NXNL2: variants seen among roughly 807,000 people sequenced by gnomAD.
NXNL2 encodes nucleoredoxin-like protein 2.
In NXNL2, 7 loss-of-function variants were observed where a neutral mutation model predicts 11.1. That is an observed-to-expected ratio of 0.63 (90% confidence interval 0.36 to 1.18). NXNL2 has a LOEUF of 1.18. Ranked by LOEUF, NXNL2 falls within the 50% of genes most tolerant of loss-of-function variation. The probability of loss-of-function intolerance (pLI) is 0.02; values close to 1 mark genes in which losing one functional copy is unlikely to be tolerated. For missense variants in NXNL2, 233 were observed against 217.7 expected, an observed-to-expected ratio of 1.07 and a Z score of -0.44; for synonymous variants, 109 against 101.8, an observed-to-expected ratio of 1.07 and a Z score of -0.42.
intron 1 of NXNL2, among the ~76,000 whole-genome samples, chr9:88,582,591 CCTTCCTTCCTTCCTTCCTTT>C (rs1291766319): frequency 4.6e-5 from 7 of 151,282 alleles, no homozygotes; most frequent in Non-Finnish European, 8.9e-5. Flanking sequence ...TTAAAACAAT[CCTTCCTTCCTTCCTTCCTTT>C]CTTCCTTCCT....
intron 1 of NXNL2, among the ~76,000 whole-genome samples, chr9:88,567,760 G>A (rs559850482): frequency 6.6e-6 from 1 of 152,232 alleles, no homozygotes; most frequent in Admixed American, 6.5e-5. Flanking sequence ...TACCACAAGG[G>A]CCTGGAGCTG....
intron 1 of NXNL2, among the ~76,000 whole-genome samples, chr9:88,565,808 A>T (rs1336563425): frequency 5.3e-5 from 8 of 152,174 alleles, no homozygotes; most frequent in South Asian, 2.1e-4. Context: ...AAGTGCTGAG[A>T]TTACAGGCAT....
chr9:88,535,670 T>A lies in NXNL2; in HGVS notation c.236T>A (p.Met79Lys), dbSNP rs1479532761. 6.2e-7 allele frequency: 1 copy of A among 1,606,622 alleles called. No homozygotes were observed. The highest frequency in any genetic ancestry group is 8.5e-7 in the Non-Finnish European group (1 of 1,178,668). The change falls in exon 1 of 2, where the codon ATG becomes AAG. Residue 79 changes from methionine (M) to lysine (K), a missense_variant. Met to Lys is a moderately conservative substitution (Grantham distance 95). Transcript: ENST00000375854. ...TCAGCCGACGGCAGCTCCCAGGAGA[T>A]GCTGGACTTCATGCGCGAGCTGCAT... is the stretch of plus-strand genomic sequence containing the variant. ...FVSADGSSQEMLDFMRELHGA... is the reference protein window; with the variant it reads ...FVSADGSSQEKLDFMRELHGA...
chr9:88,551,195 G>A (rs1378632530), intron 1 of NXNL2, among the ~76,000 whole-genome samples: 1 of 152,092 alleles, frequency 6.6e-6, no homozygotes, highest in African/African-American at 2.4e-5. Flanking sequence ...GAGCTGTTCA[G>A]TCTGGAAACA....
chr9:88,561,469 A>C (rs372075145), intron 1 of NXNL2, among the ~76,000 whole-genome samples: 29 of 152,186 alleles, frequency 1.9e-4, no homozygotes, highest in African/African-American at 7.0e-4. Context: ...CTATCTATCT[A>C]TCTATCTATC....
intron 1 of NXNL2, among the ~76,000 whole-genome samples, chr9:88,569,504 C>T (rs964132334): frequency 6.6e-5 from 10 of 152,218 alleles, no homozygotes; most frequent in South Asian, 2.1e-4. Context: ...TTCATCTCTT[C>T]GGGTTTTCTC....
downstream of NXNL2, among the ~76,000 whole-genome samples, chr9:88,578,581 G>A (rs1014765522): frequency 6.6e-6 from 1 of 152,234 alleles, no homozygotes; most frequent in African/African-American, 2.4e-5. Context: ...TTTTCCCTCC[G>A]GTTGGATTTC....
intron 1 of NXNL2, among the ~76,000 whole-genome samples, chr9:88,551,060 G>A (rs1829924531): frequency 1.3e-5 from 2 of 152,124 alleles, no homozygotes; most frequent in Non-Finnish European, 2.9e-5. Flanking sequence ...AGGGGTCCCT[G>A]CTGCATCTCA....
At chr9:88,560,623 G>GC (rs1407732842) in intron 1 of NXNL2, among the ~76,000 whole-genome samples, 3 of 152,138 alleles carry the variant, frequency 2.0e-5, no homozygotes, top group Non-Finnish European at 4.4e-5. Flanking sequence ...GAAGACACAG[G>GC]CCAGGTGCAG....
At chr9:88,575,908 A>G (rs1830343093), downstream of NXNL2, 1 of 152,154 alleles carries the variant, frequency 6.6e-6, no homozygotes, top group Non-Finnish European at 1.5e-5. Flanking sequence ...AAAATAAAAA[A>G]ATTAGGCCAG....
intron 1 of NXNL2, among the ~76,000 whole-genome samples, chr9:88,555,374 C>A (rs1030629728): frequency 3.3e-5 from 5 of 152,160 alleles, no homozygotes; most frequent in Admixed American, 2.0e-4. Flanking sequence ...TATAGGGTAA[C>A]TTCTGGAAGT....
chr9:88,572,745 T>A (rs1164004572), intron 2 of NXNL2, among the ~76,000 whole-genome samples: 1 of 152,172 alleles, frequency 6.6e-6, no homozygotes, highest in African/African-American at 2.4e-5. Flanking sequence ...CCTAAGAGTA[T>A]CTGAGTTAGG....
At chr9:88,542,326 T>G (rs1829779239) in intron 1 of NXNL2, among the ~76,000 whole-genome samples, 1 of 151,836 alleles carries the variant, frequency 6.6e-6, no homozygotes, top group African/African-American at 2.4e-5. Context: ...TCTCACTCTG[T>G]CACCCAGGCT....
At chr9:88,582,214 C>T (rs1448073614) in intron 1 of NXNL2, among the ~76,000 whole-genome samples, 1 of 152,212 alleles carries the variant, frequency 6.6e-6, no homozygotes, top group Non-Finnish European at 1.5e-5. Flanking sequence ...TGCAGTGGCT[C>T]ACGCCTGTAA....
chr9:88,556,375 C>T (rs1041734688), intron 1 of NXNL2, among the ~76,000 whole-genome samples: 9 of 152,052 alleles, frequency 5.9e-5, no homozygotes, highest in African/African-American at 1.2e-4. Context: ...CATGGACAAG[C>T]GGAGAGTCAG....
chr9:88,542,489 C>T (rs936437440), intron 1 of NXNL2, among the ~76,000 whole-genome samples: 4 of 151,756 alleles, frequency 2.6e-5, no homozygotes, highest in South Asian at 2.1e-4. Context: ...AGGGTTTCAC[C>T]GTGCTGGCCA....
rs563778515 is a variant in NXNL2, at chr9:88,574,857, C to T, written c.*17-230C>T. Reference sequence around the variant, plus strand: ...CAGGGGCGGGGGATCCTGGCAGGGGCCAGGTGGTCTGAGCACATGTGTTTG... The same window carrying T: ...CAGGGGCGGGGGATCCTGGCAGGGGTCAGGTGGTCTGAGCACATGTGTTTG... On this transcript the variant is annotated intron_variant, in intron 2 of 2. Coordinates refer to the NXNL2 transcript ENST00000375855. Among the ~76,000 whole-genome samples the T allele has an allele frequency of 3.3e-5, 5 of 152,264 alleles. No homozygotes were observed. The South Asian group carries it at 1.0e-3, about 32-fold the overall frequency.
At chr9:88,548,834 T>C (rs1639120097), downstream of NXNL2, among the ~76,000 whole-genome samples, 1 of 151,826 alleles carries the variant, frequency 6.6e-6, no homozygotes, top group Non-Finnish European at 1.5e-5. Flanking sequence ...TGTTAGGAGG[T>C]GGGGCCTTTG....
chr9:88,565,865 A>G (rs1342437186), intron 1 of NXNL2, among the ~76,000 whole-genome samples: 3 of 152,150 alleles, frequency 2.0e-5, no homozygotes, highest in Non-Finnish European at 4.4e-5. Flanking sequence ...GTTGTTAATA[A>G]TAGCCATTCT....
Sources: allele counts gnomAD v4.1 joint callset (sites outside exome capture counted in the v4.1 genomes callset), GRCh38; gene constraint gnomAD v4.1.1; transcripts MANE v1.5; gene names NCBI Gene and HGNC (gene_info 2026-07-23, HGNC 2026-07-21).